Variants in RBX1 observed in about 807,000 individuals in gnomAD.
RBX1 encodes the protein ring-box 1.
For synonymous variants in RBX1, 48 were observed against 47.9 expected, an observed-to-expected ratio of 1.00 and a Z score of -0.01; for missense variants, 46 against 141.4, an observed-to-expected ratio of 0.33 and a Z score of 3.42.
At chr22:40,970,872 T>C (rs1387351553) in intron 4 of RBX1, among the ~76,000 whole-genome samples, 2 of 152,192 alleles carry the variant, frequency 1.3e-5, no homozygotes, top group African/African-American at 4.8e-5. Flanking sequence ...GCGTATTCAG[T>C]TTTTAAGAAA....
At chr22:40,959,482 A>C (rs930731375) in intron 2 of RBX1, among the ~76,000 whole-genome samples, 3 of 152,030 alleles carry the variant, frequency 2.0e-5, no homozygotes, top group African/African-American at 7.3e-5. Context: ...TATCCCTCCT[A>C]TACATTTTTG....
At chr22:40,961,390 CTTTATTTTTAT>C (rs948199280) in intron 2 of RBX1, among the ~76,000 whole-genome samples, 4 of 151,622 alleles carry the variant, frequency 2.6e-5, no homozygotes, top group Non-Finnish European at 5.9e-5. Context: ...TGACCCAATT[CTTTATTTTTAT>C]TTTATTTTAT....
In RBX1 at chr22:40,972,774, G is replaced by C. The variant is rs2058372617; in HGVS notation, c.*286G>C. The stretch of plus-strand genomic sequence containing the variant: ...GTGAAATGTTTGTTCATCGGGGCCA[G>C]AGCAGGGTTGTCCTCTGAGCGCATC... On this transcript the variant is annotated 3_prime_UTR_variant, in exon 5 of 5. Transcript: ENST00000216225. 2.7e-6 allele frequency: 1 copy of C among 376,010 alleles called. No homozygotes were observed. Among genetic ancestry groups the C allele is most frequent in the Non-Finnish European group, 5.0e-6 (1 of 199,642 alleles). 23.3% of individuals were successfully genotyped at this position (376,010 alleles called of 1,614,324 possible). A position where few individuals can be genotyped will look rare whatever the true frequency, so the allele number is the denominator to read the frequency against.
intron 1 of RBX1, 135 bp from the exon 2 acceptor site, chr22:40,953,420 G>T: frequency 1.7e-6 from 1 of 602,164 alleles, no homozygotes; most frequent in Non-Finnish European, 3.1e-6. Flanking sequence ...TAAGATTAAC[G>T]TAATATCCAA....
intron 3 of RBX1, 153 bp downstream of exon 3, chr22:40,964,270 A>G: frequency 1.7e-6 from 1 of 576,242 alleles, no homozygotes; most frequent in East Asian, 3.0e-5. Context: ...AAATCATAAT[A>G]CTATTCACCT....
At chr22:40,952,489 T>G (rs2058313861) in intron 1 of RBX1, among the ~76,000 whole-genome samples, 1 of 151,982 alleles carries the variant, frequency 6.6e-6, no homozygotes, top group Non-Finnish European at 1.5e-5. Context: ...ATAATAGAAG[T>G]AGGGGCTTTT....
chr22:40,961,684 G>A (rs1326417276), intron 2 of RBX1, among the ~76,000 whole-genome samples: 2 of 152,082 alleles, frequency 1.3e-5, no homozygotes, highest in Non-Finnish European at 2.9e-5. Context: ...GATTATAGGC[G>A]TGAGCCACCG....
intron 2 of RBX1, 53 bp downstream of exon 2, chr22:40,953,686 G>T: frequency 7.7e-7 from 1 of 1,290,902 alleles, no homozygotes; most frequent in East Asian, 2.4e-5. Context: ...AGAGATTGTG[G>T]CTATCTTGAT....
At chr22:40,956,451 G>T (rs1455975681) in intron 2 of RBX1, among the ~76,000 whole-genome samples, 3 of 146,334 alleles carry the variant, frequency 2.1e-5, no homozygotes, top group Non-Finnish European at 3.0e-5. Context: ...TGGAGTTCAA[G>T]TGATTCTCCT....
intron 2 of RBX1, among the ~76,000 whole-genome samples, chr22:40,956,379 C>G (rs1222758274): frequency 6.7e-6 from 1 of 149,502 alleles, no homozygotes; most frequent in Non-Finnish European, 1.5e-5. Context: ...TGAGTGAGAT[C>G]GGGCAGGTCT....
intron 2 of RBX1, among the ~76,000 whole-genome samples, chr22:40,955,259 C>G (rs2058322162): frequency 6.7e-6 from 1 of 150,192 alleles, no homozygotes; most frequent in African/African-American, 2.4e-5. Flanking sequence ...TTTTCTTTTT[C>G]CTTTTTTTTT....
chr22:40,964,780 C>A (rs1482407181), intron 3 of RBX1, among the ~76,000 whole-genome samples: 1 of 152,154 alleles, frequency 6.6e-6, no homozygotes, highest in Non-Finnish European at 1.5e-5. Flanking sequence ...ACTCACAGTT[C>A]CCAGCATGAC....
At chr22:40,951,700 C>T (rs1229357555) in intron 1 of RBX1, among the ~76,000 whole-genome samples, 1 of 151,594 alleles carries the variant, frequency 6.6e-6, no homozygotes, top group East Asian at 1.9e-4. Context: ...AGGGGCCAAT[C>T]ACAGAGCTGC....
intron 3 of RBX1, among the ~76,000 whole-genome samples, chr22:40,965,647 G>GGTCTTAAACT (rs1244711719): frequency 1.3e-5 from 2 of 152,124 alleles, no homozygotes; most frequent in Non-Finnish European, 2.9e-5. Flanking sequence ...CGCCATGTTG[G>GGTCTTAAACT]CCAGGCTGGT....
chr22:40,962,170 C>T lies in RBX1; in HGVS notation c.158-1877C>T, dbSNP rs558370168. Among the ~76,000 whole-genome samples, 175 of 152,070 alleles carry T rather than the reference C, an allele frequency of 1.2e-3. 1 individual carries two copies. Among genetic ancestry groups the T allele is most frequent in the African/African-American group, 2.9e-3 (122 of 41,456 alleles). ...GCTGGAGTACAGTGGTGTGCAACTT[C>T]GGCTCACTGCAACCTCTGCCCCTTG... On this transcript the variant is annotated intron_variant, in intron 2 of 4. Transcript: ENST00000216225.
intron 2 of RBX1, among the ~76,000 whole-genome samples, chr22:40,955,260 C>CT (rs776549895): frequency 0.017 from 2,356 of 138,724 alleles, 26 homozygotes; most frequent in African/African-American, 0.035. Flanking sequence ...TTTCTTTTTC[C>CT]TTTTTTTTTT....
chr22:40,965,122 T>C (rs2146302021), intron 3 of RBX1, among the ~76,000 whole-genome samples: 1 of 152,054 alleles, frequency 6.6e-6, no homozygotes, highest in East Asian at 1.9e-4. Context: ...GCTAACACAG[T>C]GAAACCCCGT....
Position 40,951,419 on chromosome 22 carries a change from G to A in RBX1, c.21G>A (p.Val7=). Residue 7 remains valine, a synonymous_variant, in exon 1 of 5, where the codon GTG becomes GTA. Transcript: ENST00000216225. MAAAMD[V]DTPSGTNSGA... is the part of the protein sequence containing the mutation. ...CCAAAATGGCGGCAGCGATGGATGT[G>A]GATACCCCGAGCGGCACCAACAGCG... The A allele has an allele frequency of 6.2e-7, 1 of 1,613,514 alleles. No individual in the cohort carries two copies. Among genetic ancestry groups the A allele is most frequent in the East Asian group, 2.2e-5 (1 of 44,868 alleles).
At chr22:40,971,637 A>T (rs1373762886) in intron 4 of RBX1, among the ~76,000 whole-genome samples, 1 of 151,790 alleles carries the variant, frequency 6.6e-6, no homozygotes, top group Non-Finnish European at 1.5e-5. Context: ...GTTCACTGCA[A>T]CCTCCAACTC....
Sources: gnomAD v4.1 joint callset for allele counts (sites outside exome capture counted in the v4.1 genomes callset) on GRCh38, gnomAD v4.1.1 for gene constraint, MANE v1.5 for transcripts, NCBI Gene and HGNC (gene_info 2026-07-23, HGNC 2026-07-21) for gene names.